The following MCC variants were observed in gnomAD, a reference collection of about 807,000 sequenced individuals.
MCC encodes MCC regulator of Wnt signaling pathway.
In MCC, 90 loss-of-function variants were observed where a neutral mutation model predicts 116.2. That is an observed-to-expected ratio of 0.77 (90% confidence interval 0.65 to 0.92). The LOEUF is 0.92. MCC is among the 40% of genes least tolerant of loss of function. The pLI is 0.00. For synonymous variants in MCC, 578 were observed against 510.5 expected, an observed-to-expected ratio of 1.13 and a Z score of -1.78; for missense variants, 1,516 against 1,312.2, an observed-to-expected ratio of 1.16 and a Z score of -2.40.
intron 7 of MCC, 99 bp downstream of exon 7, chr5:113,104,093 C>T: frequency 8.3e-7 from 1 of 1,200,824 alleles, no homozygotes; most frequent in Non-Finnish European, 1.2e-6. Context: ...AAACATTCAT[C>T]CCTAGTAAGT....
intron 3 of MCC, among the ~76,000 whole-genome samples, chr5:113,168,794 G>A (rs961105523): frequency 6.6e-6 from 1 of 152,012 alleles, no homozygotes; most frequent in Non-Finnish European, 1.5e-5. Context: ...GCAGAGAACG[G>A]GGCAGGGGCA....
chr5:113,263,418 T>A (rs1483937594), intron 3 of MCC, among the ~76,000 whole-genome samples: 1 of 152,194 alleles, frequency 6.6e-6, no homozygotes, highest in East Asian at 1.9e-4. Context: ...TACTACTGAT[T>A]TATCAATAGT....
chr5:113,397,758 C>T (rs1476320458), intron 1 of MCC, among the ~76,000 whole-genome samples: 1 of 152,150 alleles, frequency 6.6e-6, no homozygotes, highest in Non-Finnish European at 1.5e-5. Flanking sequence ...CTAGGAAATA[C>T]TCTTCTGAAC....
At chr5:113,066,246 C>G (rs1172190727) in intron 13 of MCC, among the ~76,000 whole-genome samples, 1 of 152,154 alleles carries the variant, frequency 6.6e-6, no homozygotes, top group Non-Finnish European at 1.5e-5. Context: ...GAGGCCTGAA[C>G]AGGTTAAGAC....
intron 6 of MCC, among the ~76,000 whole-genome samples, chr5:113,107,964 A>G (rs957411311): frequency 1.3e-5 from 2 of 152,158 alleles, no homozygotes; most frequent in African/African-American, 2.4e-5. Context: ...GCAAAGATGA[A>G]TAAGAGACTG....
chr5:113,047,511 G>A (rs1473671312), intron 16 of MCC, among the ~76,000 whole-genome samples: 3 of 152,314 alleles, frequency 2.0e-5, no homozygotes, highest in East Asian at 1.9e-4. Flanking sequence ...TAACTATGTA[G>A]GGAGTGACAA....
chr5:113,462,863 C>CA (rs1481704214), intron 1 of MCC, among the ~76,000 whole-genome samples: 3 of 152,286 alleles, frequency 2.0e-5, no homozygotes, highest in African/African-American at 7.2e-5. Context: ...AAGAGGGACA[C>CA]AGTCTCTGCT....
At chr5:113,269,959 T>C (rs1314498289) in intron 3 of MCC, among the ~76,000 whole-genome samples, 1 of 152,138 alleles carries the variant, frequency 6.6e-6, no homozygotes, top group Non-Finnish European at 1.5e-5. Context: ...GAAACGGACA[T>C]AATACAAGAA....
At chr5:113,354,359 T>G (rs1205056174) in intron 2 of MCC, among the ~76,000 whole-genome samples, 1 of 152,104 alleles carries the variant, frequency 6.6e-6, no homozygotes, top group Non-Finnish European at 1.5e-5. Context: ...TCTGGTGAAT[T>G]ACAAGAACAG....
intron 3 of MCC, among the ~76,000 whole-genome samples, chr5:113,263,668 A>G (rs1240797701): frequency 6.6e-6 from 1 of 152,240 alleles, no homozygotes; most frequent in Non-Finnish European, 1.5e-5. Flanking sequence ...CTATAACACA[A>G]GATTGCAGTA....
chr5:113,291,348 G>A (rs1015013062), intron 3 of MCC, among the ~76,000 whole-genome samples: 2 of 152,172 alleles, frequency 1.3e-5, no homozygotes, highest in Admixed American at 6.5e-5. Flanking sequence ...GTCACTAACA[G>A]GATCAGCAGA....
At chr5:113,472,711 C>T (rs973803042) in intron 1 of MCC, among the ~76,000 whole-genome samples, 1 of 152,098 alleles carries the variant, frequency 6.6e-6, no homozygotes, top group African/African-American at 2.4e-5. Flanking sequence ...AAATAAGGAG[C>T]TTTAACTAAT....
At chr5:113,062,627 AAGAAG>A (rs1753300789) in intron 14 of MCC, among the ~76,000 whole-genome samples, 1 of 152,270 alleles carries the variant, frequency 6.6e-6, no homozygotes, top group Non-Finnish European at 1.5e-5. Context: ...AAGAGTCATT[AAGAAG>A]AGCATCTGCT....
chr5:113,263,690 G>A (rs1285289416), intron 3 of MCC, among the ~76,000 whole-genome samples: 1 of 152,172 alleles, frequency 6.6e-6, no homozygotes, highest in African/African-American at 2.4e-5. Flanking sequence ...TTTTATTGCA[G>A]GGAATCCACT....
chr5:113,121,825 T>C (rs1178767003), intron 6 of MCC, among the ~76,000 whole-genome samples: 1 of 150,878 alleles, frequency 6.6e-6, no homozygotes, highest in Non-Finnish European at 1.5e-5. Context: ...TCCTAAGATA[T>C]GCTGCTCCTC....
intron 1 of MCC, among the ~76,000 whole-genome samples, chr5:113,478,684 A>T (rs1168106277): frequency 6.6e-6 from 1 of 152,188 alleles, no homozygotes; most frequent in Non-Finnish European, 1.5e-5. Flanking sequence ...TGGAAAGAGT[A>T]AAGATGGTGG....
At chr5:113,276,850 G>A in intron 3 of MCC, among the ~76,000 whole-genome samples, 1 of 149,396 alleles carries the variant, frequency 6.7e-6, no homozygotes. Flanking sequence ...TGTTACCGAG[G>A]CTGGTCTACA....
At chr5:113,143,103 T>C in intron 5 of MCC, 115 bp downstream of exon 5, 3 of 1,122,800 alleles carry the variant, frequency 2.7e-6, no homozygotes, top group South Asian at 3.4e-5. Context: ...TAATCTAGTT[T>C]ATAATCTACA....
intron 5 of MCC, among the ~76,000 whole-genome samples, chr5:113,129,868 C>T (rs1758321243): frequency 6.6e-6 from 1 of 152,328 alleles, no homozygotes; most frequent in Admixed American, 6.5e-5. Flanking sequence ...GAAATAGGAA[C>T]ACTTTTACAC....
Sources: allele counts gnomAD v4.1 joint callset (sites outside exome capture counted in the v4.1 genomes callset), GRCh38; gene constraint gnomAD v4.1.1; transcripts MANE v1.5; gene names NCBI Gene and HGNC (gene_info 2026-07-23, HGNC 2026-07-21).